The following USP10 variants were observed in gnomAD, a reference collection of about 807,000 sequenced individuals.
USP10 encodes ubiquitin specific peptidase 10.
In USP10, 22 loss-of-function variants were observed where a neutral mutation model predicts 84.5. The ratio of observed to expected loss-of-function variants is 0.26; its 90% CI spans 0.19 to 0.37. The LOEUF is 0.37. Among genes scored for constraint, USP10 ranks in the 10% least tolerant of loss-of-function variants. USP10 has a pLI of 1.00. For missense variants in USP10, 1,019 were observed against 998.9 expected, an observed-to-expected ratio of 1.02 and a Z score of -0.27; for synonymous variants, 454 against 387.6, an observed-to-expected ratio of 1.17 and a Z score of -2.01.
At chr16:84,760,671 A>T (rs1382590278) in intron 8 of USP10, among the ~76,000 whole-genome samples, 1 of 152,204 alleles carries the variant, frequency 6.6e-6, no homozygotes, top group Non-Finnish European at 1.5e-5. Flanking sequence ...TTATGTCTTC[A>T]TCATACTTAC....
chr16:84,736,164 G>A (rs1335462782), intron 2 of USP10, among the ~76,000 whole-genome samples: 3 of 152,170 alleles, frequency 2.0e-5, no homozygotes, highest in Admixed American at 6.5e-5. Flanking sequence ...CATAATTGCC[G>A]CTCAAACATG....
chr16:84,738,732 T>G (rs923549470), intron 2 of USP10, among the ~76,000 whole-genome samples: 1 of 152,222 alleles, frequency 6.6e-6, no homozygotes, highest in East Asian at 1.9e-4. Flanking sequence ...TGTGTTTTCC[T>G]GTTTGTCATA....
chr16:84,737,547 T>A (rs1597336694), intron 2 of USP10, among the ~76,000 whole-genome samples: 1 of 152,230 alleles, frequency 6.6e-6, no homozygotes, highest in East Asian at 1.9e-4. Flanking sequence ...CCACAACCCA[T>A]CTGGCATTCC....
chr16:84,747,084 C>T (rs915745249), intron 4 of USP10, among the ~76,000 whole-genome samples: 1 of 152,214 alleles, frequency 6.6e-6, no homozygotes, highest in South Asian at 2.1e-4. Flanking sequence ...GTGGGACCAT[C>T]ATACGTGCGG....
intron 4 of USP10, among the ~76,000 whole-genome samples, chr16:84,754,826 T>G (rs367648543): frequency 6.6e-6 from 1 of 152,162 alleles, no homozygotes; most frequent in African/African-American, 2.4e-5. Flanking sequence ...CAGATTATTC[T>G]GGGCCCCTAA....
At chr16:84,773,370 C>T (rs974830126) in intron 12 of USP10, among the ~76,000 whole-genome samples, 2 of 152,186 alleles carry the variant, frequency 1.3e-5, no homozygotes, top group African/African-American at 4.8e-5. Context: ...GGGCCTCACT[C>T]CTGGGTCCTG....
intron 10 of USP10, among the ~76,000 whole-genome samples, chr16:84,767,597 C>T (rs545667880): frequency 6.6e-6 from 1 of 152,206 alleles, no homozygotes; most frequent in African/African-American, 2.4e-5. Context: ...GTTTTGAGGC[C>T]ATGGCAGGGT....
At chr16:84,758,940 G>A in intron 5 of USP10, 133 bp downstream of exon 5, 1 of 694,904 alleles carries the variant, frequency 1.4e-6, no homozygotes, top group Non-Finnish European at 2.6e-6. Flanking sequence ...TTATTACTTG[G>A]TCTGCCTACC....
chr16:84,701,582 T>G (rs1252141961), intron 1 of USP10, among the ~76,000 whole-genome samples: 2 of 152,266 alleles, frequency 1.3e-5, no homozygotes, highest in Admixed American at 6.5e-5. Context: ...AATTAATGTG[T>G]AATATTCCTT....
chr16:84,738,668 G>A (rs1383839115), intron 2 of USP10, among the ~76,000 whole-genome samples: 1 of 152,180 alleles, frequency 6.6e-6, no homozygotes, highest in Non-Finnish European at 1.5e-5. Context: ...CCCTGGTGGT[G>A]GAGATAAGTG....
chr16:84,722,912 A>G (rs1226252730), intron 1 of USP10, among the ~76,000 whole-genome samples: 4 of 152,340 alleles, frequency 2.6e-5, no homozygotes, highest in East Asian at 3.9e-4. Context: ...GTCCCTAGGA[A>G]CATGAGTTCC....
intron 1 of USP10, among the ~76,000 whole-genome samples, chr16:84,728,497 G>A (rs1002842637): frequency 1.3e-5 from 2 of 151,822 alleles, no homozygotes; most frequent in Non-Finnish European, 1.5e-5. Context: ...GTGCCACCAC[G>A]CCCGGCTAAT....
chr16:84,700,718 C>A (rs1904754153), intron 1 of USP10, among the ~76,000 whole-genome samples: 1 of 152,208 alleles, frequency 6.6e-6, no homozygotes, highest in Non-Finnish European at 1.5e-5. Flanking sequence ...ACCGTACTTT[C>A]ACTTGCGTTT....
At chr16:84,719,324 C>T (rs918275172) in intron 1 of USP10, among the ~76,000 whole-genome samples, 2 of 152,256 alleles carry the variant, frequency 1.3e-5, no homozygotes, top group East Asian at 3.9e-4. Context: ...TAGTTTCTCC[C>T]ACCTCCTCAG....
chr16:84,738,808 A>T lies in USP10; in HGVS notation c.91-1501A>T, dbSNP rs553427387. 2.0e-5 allele frequency among the ~76,000 whole-genome samples: 3 copies of T among 152,136 alleles called. No individual in the cohort carries two copies. The East Asian group carries it at 5.8e-4, about 29-fold the overall frequency. On this transcript the variant is annotated intron_variant, in intron 2 of 13. Transcript: ENST00000219473. ...AAGCTTTTATTGCTGTGATTATTGA[A>T]TTGGTGTGCTGAGATCTCATTGGAG...
At chr16:84,711,115 C>T (rs1906228269) in intron 1 of USP10, among the ~76,000 whole-genome samples, 2 of 152,092 alleles carry the variant, frequency 1.3e-5, no homozygotes, top group African/African-American at 2.4e-5. Flanking sequence ...GCTGTCATGT[C>T]GTGTCTTCAG....
Position 84,700,017 on chromosome 16 carries a change from C to T in USP10, c.-74C>T. On this transcript the variant is annotated 5_prime_UTR_variant, in exon 1 of 14. An upstream open reading frame in the 5' UTR gains an earlier in-frame stop. Transcript: ENST00000219473. ...GCCGATGCGAGTGTGTATGTGCGGG[C>T]GAGAAGATGGCGGCGGCGGGGGAAG... 1 of 1,309,518 alleles carries T rather than the reference C, an allele frequency of 7.6e-7. No individual in the cohort carries two copies. Among genetic ancestry groups the T allele is most frequent in the Non-Finnish European group, 1.0e-6 (1 of 1,001,066 alleles). The allele number at this position is 1,309,518 out of a possible 1,614,324, so 81.1% of individuals were successfully genotyped here.
chr16:84,722,726 A>T (rs1389051523), intron 1 of USP10, among the ~76,000 whole-genome samples: 2 of 151,908 alleles, frequency 1.3e-5, no homozygotes, highest in Non-Finnish European at 2.9e-5. Flanking sequence ...CGCCCAGCTA[A>T]TTTTTGTATT....
chr16:84,725,048 C>A (rs920401275), intron 1 of USP10, among the ~76,000 whole-genome samples: 2 of 152,144 alleles, frequency 1.3e-5, no homozygotes, highest in African/African-American at 4.8e-5. Context: ...AATTCACATG[C>A]TGTGGAGTTT....
Sources: gnomAD v4.1 joint callset for allele counts (sites outside exome capture counted in the v4.1 genomes callset) on GRCh38, gnomAD v4.1.1 for gene constraint, MANE v1.5 for transcripts, NCBI Gene and HGNC (gene_info 2026-07-23, HGNC 2026-07-21) for gene names.